MYL12B: variants seen among roughly 807,000 people sequenced by gnomAD.
MYL12B encodes myosin light chain 12B.
A neutral mutation model predicts 12.9 loss-of-function variants in MYL12B; 3 were observed. That is an observed-to-expected ratio of 0.23 (90% CI 0.11 to 0.60). The LOEUF (loss-of-function observed/expected upper bound fraction) is 0.60. Ranked by LOEUF, MYL12B falls within the 20% of genes least tolerant of loss-of-function variation. MYL12B has a pLI of 0.89. For missense variants in MYL12B, 120 were observed against 215.4 expected, an observed-to-expected ratio of 0.56 and a Z score of 2.77; for synonymous variants, 57 against 71.9, an observed-to-expected ratio of 0.79 and a Z score of 1.05.
intron 1 of MYL12B, among the ~76,000 whole-genome samples, chr18:3,268,123 T>C (rs2081648489): frequency 6.6e-6 from 1 of 152,244 alleles, no homozygotes; most frequent in Admixed American, 6.5e-5. Context: ...GTTTCAGGCA[T>C]CCACTGGGGT....
chr18:3,277,670 C>T, intron 3 of MYL12B, 95 bp from the exon 4 acceptor site: 1 of 1,420,258 alleles, frequency 7.0e-7, no homozygotes, highest in Non-Finnish European at 9.4e-7. Context: ...TATGGATATT[C>T]TGAAATATTT....
chr18:3,264,991 G>A (rs1395486157), intron 1 of MYL12B, among the ~76,000 whole-genome samples: 1 of 152,124 alleles, frequency 6.6e-6, no homozygotes, highest in Non-Finnish European at 1.5e-5. Context: ...GGAGCTCAGA[G>A]AATAGAAAGT....
chr18:3,272,513 A>G (rs993949585), intron 1 of MYL12B, among the ~76,000 whole-genome samples: 4 of 152,234 alleles, frequency 2.6e-5, no homozygotes, highest in Non-Finnish European at 5.9e-5. Flanking sequence ...GACAAGGTAC[A>G]TCAATAATTT....
At chr18:3,274,044 A>G (rs745517881) in intron 2 of MYL12B, among the ~76,000 whole-genome samples, 3 of 152,232 alleles carry the variant, frequency 2.0e-5, no homozygotes, top group South Asian at 2.1e-4. Flanking sequence ...ACACCTATAC[A>G]TCTTTAGCTA....
chr18:3,264,328 C>T (rs1219210515), intron 1 of MYL12B, among the ~76,000 whole-genome samples: 2 of 152,156 alleles, frequency 1.3e-5, no homozygotes, highest in African/African-American at 4.8e-5. Context: ...ATTTGCTTAA[C>T]TAGGATTATT....
At chr18:3,276,362 C>T in intron 2 of MYL12B, 14 of 939,954 alleles carry the variant, frequency 1.5e-5, no homozygotes, top group Non-Finnish European at 1.8e-5. Flanking sequence ...GCCTCAAAAA[C>T]ACTCCCACCA....
chr18:3,274,153 A>G (rs2081708513), intron 2 of MYL12B, among the ~76,000 whole-genome samples: 1 of 152,172 alleles, frequency 6.6e-6, no homozygotes, highest in Non-Finnish European at 1.5e-5. Flanking sequence ...TTAGATTATA[A>G]CCTAGTGTTT....
intron 3 of MYL12B, 122 bp downstream of exon 3, chr18:3,277,536 TATG>T: frequency 6.9e-7 from 1 of 1,440,622 alleles, no homozygotes. Flanking sequence ...TTTGTAAGCA[TATG>T]ATCTGTTTCT....
At chr18:3,262,997 G>A (rs1167602483) in intron 1 of MYL12B, 1 of 152,246 alleles carries the variant, frequency 6.6e-6, no homozygotes, top group Non-Finnish European at 1.5e-5. Context: ...AGAACTTAGC[G>A]TTTCCGGCTA....
In MYL12B at chr18:3,271,365, A is replaced by C. The variant is rs575193519; in HGVS notation, c.-15-1519A>C. On this transcript the variant is annotated intron_variant, in intron 1 of 3. Transcript: ENST00000237500. ...TGTAAGGCTGGTGTACTTCAAAACA[A>C]CACCACTAAGCCAAGCTTCAAAACA... Among the ~76,000 whole-genome samples, 236 of 152,340 alleles carry C rather than the reference A, an allele frequency of 1.5e-3. 3 individuals are homozygous for C. The South Asian group carries it at 0.032, about 21-fold the overall frequency.
In MYL12B at chr18:3,277,952, A is replaced by C; in HGVS notation, c.*15A>C. ...AAGATGACTGAAAGAACTTTAGCTA[A>C]AATCTTCCAGTTACATTGTCTTACT... On this transcript the variant is annotated 3_prime_UTR_variant, in exon 4 of 4. Coordinates refer to ENST00000237500, the MANE Select transcript of MYL12B (RefSeq NM_033546.4). 6.2e-7 allele frequency: 1 copy of C among 1,611,532 alleles called. No homozygotes were observed.
chr18:3,277,132 T>C (rs995711647), intron 2 of MYL12B, 121 bp from the exon 3 acceptor site: 2 of 1,263,700 alleles, frequency 1.6e-6, no homozygotes, highest in Non-Finnish European at 1.0e-6. Flanking sequence ...TTAAAGTTAA[T>C]TGAAAAATTA....
chr18:3,276,719 C>CT (rs11368802), intron 2 of MYL12B, among the ~76,000 whole-genome samples: 145,753 of 152,144 alleles, frequency 0.96, 69,872 homozygotes, highest in Non-Finnish European at 0.98. Context: ...ACTGACTCCC[C>CT]GATGGACCAT....
intron 1 of MYL12B, among the ~76,000 whole-genome samples, chr18:3,267,536 C>CA (rs2081643323): frequency 6.6e-6 from 1 of 152,110 alleles, no homozygotes; most frequent in Non-Finnish European, 1.5e-5. Context: ...TACAGTAGTC[C>CA]TATATGATGC....
At chr18:3,270,740 G>C (rs913241150) in intron 1 of MYL12B, among the ~76,000 whole-genome samples, 1 of 152,136 alleles carries the variant, frequency 6.6e-6, no homozygotes, top group Non-Finnish European at 1.5e-5. Context: ...CACCATTACG[G>C]TTCACCAGCC....
At chr18:3,266,028 A>G (rs1434513945) in intron 1 of MYL12B, among the ~76,000 whole-genome samples, 1 of 152,222 alleles carries the variant, frequency 6.6e-6, no homozygotes, top group Non-Finnish European at 1.5e-5. Flanking sequence ...TTTAACATTA[A>G]AGAGGTCAAG....
chr18:3,277,503 G>A, intron 3 of MYL12B, 89 bp downstream of exon 3: 2 of 1,525,242 alleles, frequency 1.3e-6, no homozygotes, highest in Non-Finnish European at 1.8e-6. Context: ...TTTACCTTTA[G>A]AAAATATTTG....
chr18:3,271,857 T>G (rs1009340181), intron 1 of MYL12B, among the ~76,000 whole-genome samples: 5 of 151,558 alleles, frequency 3.3e-5, no homozygotes, highest in Admixed American at 2.0e-4. Flanking sequence ...TTCAGTAGAG[T>G]GTTGGAAGCT....
At chr18:3,276,518 A>T (rs1161825564) in intron 2 of MYL12B, 1 of 985,128 alleles carries the variant, frequency 1.0e-6, no homozygotes, top group African/African-American at 1.7e-5. Context: ...ACCACAGTTC[A>T]ATGACATGTG....
Sources: gnomAD v4.1 joint callset for allele counts (sites outside exome capture counted in the v4.1 genomes callset) on GRCh38, gnomAD v4.1.1 for gene constraint, MANE v1.5 for transcripts, NCBI Gene and HGNC (gene_info 2026-07-23, HGNC 2026-07-21) for gene names.